The following TMCC1 variants were observed in gnomAD, a reference collection of about 807,000 sequenced individuals.
TMCC1 encodes transmembrane and coiled-coil domain family 1, also known as transmembrane and coiled-coil domains protein 1.
A neutral mutation model predicts 52.4 loss-of-function variants in TMCC1; 15 were observed. The ratio of observed to expected loss-of-function variants is 0.29; its 90% confidence interval spans 0.19 to 0.44. The LOEUF is 0.44. TMCC1 is among the 20% of genes least tolerant of loss of function. The probability of loss-of-function intolerance (pLI) is 1.00; values close to 1 mark genes in which losing one functional copy is unlikely to be tolerated. For synonymous variants in TMCC1, 279 were observed against 301.9 expected, an observed-to-expected ratio of 0.92 and a Z score of 0.79; for missense variants, 503 against 806.0, an observed-to-expected ratio of 0.62 and a Z score of 4.55.
chr3:129,698,393 G>A (rs560477662), intron 4 of TMCC1, among the ~76,000 whole-genome samples: 7 of 152,132 alleles, frequency 4.6e-5, no homozygotes, highest in Non-Finnish European at 5.9e-5. Flanking sequence ...TGGGTCCCAC[G>A]ACACATGGGG....
chr3:129,886,426 AATGT>A (rs2061705001), intron 1 of TMCC1, among the ~76,000 whole-genome samples: 1 of 152,180 alleles, frequency 6.6e-6, no homozygotes, highest in African/African-American at 2.4e-5. Flanking sequence ...GAGAACTGAA[AATGT>A]ATGTTCAAAC....
intron 4 of TMCC1, among the ~76,000 whole-genome samples, chr3:129,676,333 T>C (rs898842139): frequency 2.6e-5 from 4 of 152,248 alleles, no homozygotes. Context: ...TGACTGTTTA[T>C]TATATGCAAG....
chr3:129,796,809 A>C (rs2056859442), intron 4 of TMCC1, among the ~76,000 whole-genome samples: 1 of 152,190 alleles, frequency 6.6e-6, no homozygotes, highest in Non-Finnish European at 1.5e-5. Flanking sequence ...CAGTCTGCGC[A>C]ACAGAGTGAG....
chr3:129,747,424 T>C (rs1374219007), intron 4 of TMCC1, among the ~76,000 whole-genome samples: 2 of 152,220 alleles, frequency 1.3e-5, no homozygotes, highest in African/African-American at 4.8e-5. Context: ...TATACCTTCA[T>C]TTTAAGCTAT....
Position 129,651,611 on chromosome 3 carries a change from A to C in TMCC1, c.1832T>G (p.Val611Gly). 6.2e-7 allele frequency: 1 copy of C among 1,614,252 alleles called. No homozygotes were observed. The highest frequency in any genetic ancestry group is 8.5e-7 in the Non-Finnish European group (1 of 1,180,040). The change falls in exon 7 of 7, where the codon GTG becomes GGG. Residue 611 changes from valine (V) to glycine (G), a missense_variant. By Grantham distance (109) the Val-to-Gly change is moderately radical. Coordinates refer to ENST00000393238, the MANE Select transcript of TMCC1 (RefSeq NM_001017395.5). The surrounding 1 kb of genome is among the most constrained non-coding windows in gnomAD (Gnocchi z 5.1). ...GTTGCGAGTCTTCATGAGGGGGACC[A>C]CACAGTTGGCTACAGTGGAGACAAA... The part of the protein sequence containing the change: ...LVFVSTVANC[V>G]VPLMKTRNRT...
intron 2 of TMCC1, among the ~76,000 whole-genome samples, chr3:129,849,116 A>T (rs2059796536): frequency 6.6e-6 from 1 of 152,212 alleles, no homozygotes; most frequent in South Asian, 2.1e-4. Context: ...CATGATCATA[A>T]ATTTAACAGA....
intron 4 of TMCC1, among the ~76,000 whole-genome samples, chr3:129,801,769 G>A (rs936458405): frequency 6.6e-6 from 1 of 152,136 alleles, no homozygotes; most frequent in African/African-American, 2.4e-5. Flanking sequence ...TTGTTCTCTA[G>A]GGTAGATGCT....
At chr3:129,806,582 T>C (rs916327578) in intron 4 of TMCC1, among the ~76,000 whole-genome samples, 1 of 152,128 alleles carries the variant, frequency 6.6e-6, no homozygotes, top group Non-Finnish European at 1.5e-5. Context: ...CTCTCTCAAA[T>C]AGGAGAAGGA....
intron 3 of TMCC1, among the ~76,000 whole-genome samples, chr3:129,829,678 T>C (rs1399904912): frequency 6.6e-6 from 1 of 152,172 alleles, no homozygotes; most frequent in East Asian, 1.9e-4. Context: ...TACCAAGTAC[T>C]TCAACAATTT....
At chr3:129,876,769 A>G (rs1168270196) in intron 2 of TMCC1, among the ~76,000 whole-genome samples, 2 of 152,190 alleles carry the variant, frequency 1.3e-5, no homozygotes, top group Non-Finnish European at 2.9e-5. Context: ...CCTGGCTAAC[A>G]TGGTGAAACT....
At chr3:129,673,455 GT>G (rs777348730) in intron 4 of TMCC1, among the ~76,000 whole-genome samples, 79 of 152,290 alleles carry the variant, frequency 5.2e-4, no homozygotes, top group South Asian at 1.7e-3. Flanking sequence ...ATATAAGAAT[GT>G]CACTAGATCC....
At chr3:129,684,374 T>C (rs1338243887) in intron 4 of TMCC1, among the ~76,000 whole-genome samples, 2 of 152,232 alleles carry the variant, frequency 1.3e-5, no homozygotes, top group African/African-American at 4.8e-5. Context: ...CATAATTTGT[T>C]TATGCATTTC....
intron 4 of TMCC1, among the ~76,000 whole-genome samples, chr3:129,745,474 C>A (rs2051851107): frequency 6.6e-6 from 1 of 152,208 alleles, no homozygotes; most frequent in Admixed American, 6.5e-5. Flanking sequence ...CTCTTCAGAG[C>A]AAATGCCCTG....
chr3:129,728,006 G>A (rs1478080265), intron 4 of TMCC1, among the ~76,000 whole-genome samples: 1 of 152,238 alleles, frequency 6.6e-6, no homozygotes, highest in African/African-American at 2.4e-5. Flanking sequence ...TAGCATGTGA[G>A]TGAGGCTATT....
chr3:129,786,614 A>G lies in TMCC1; in HGVS notation c.576+41189T>C, dbSNP rs142179859. Among the ~76,000 whole-genome samples the G allele has an allele frequency of 6.4e-3, 979 of 152,236 alleles. 11 individuals are homozygous for G. Among genetic ancestry groups the G allele is most frequent in the Non-Finnish European group, 9.2e-3 (626 of 68,022 alleles). ...GAAGAGCTCCTTCCCTCTTCTAAAT[A>G]TATATTTATTCACCATTAATTTCAC... is the stretch of plus-strand genomic sequence containing the variant. On this transcript the variant is annotated intron_variant, in intron 4 of 6. Transcript: ENST00000393238.
At chr3:129,871,365 C>CAAAAAA (rs908333351) in intron 2 of TMCC1, among the ~76,000 whole-genome samples, 104 of 49,448 alleles carry the variant, frequency 2.1e-3, no homozygotes, top group Non-Finnish European at 2.7e-3. Flanking sequence ...GACGCTGTCT[C>CAAAAAA]AAAAAAAAAA....
intron 5 of TMCC1, among the ~76,000 whole-genome samples, chr3:129,665,132 A>C (rs1310314274): frequency 6.6e-6 from 1 of 152,236 alleles, no homozygotes; most frequent in Non-Finnish European, 1.5e-5. Context: ...CTCATAGCTG[A>C]ATGCACAATG....
intron 4 of TMCC1, among the ~76,000 whole-genome samples, chr3:129,804,743 T>C (rs2057371088): frequency 6.6e-6 from 1 of 152,148 alleles, no homozygotes; most frequent in Non-Finnish European, 1.5e-5. Context: ...TCAGCCTCAG[T>C]AGCATAGAGC....
intron 4 of TMCC1, among the ~76,000 whole-genome samples, chr3:129,795,897 C>A (rs1007599140): frequency 6.6e-6 from 1 of 152,172 alleles, no homozygotes; most frequent in South Asian, 2.1e-4. Flanking sequence ...ATTCAAATAA[C>A]CCTTATTTTA....
Sources: gnomAD v4.1 joint callset for allele counts (sites outside exome capture counted in the v4.1 genomes callset) on GRCh38, gnomAD v4.1.1 for gene constraint, Gnocchi (gnomAD v3.1) non-coding constraint, MANE v1.5 for transcripts, NCBI Gene and HGNC (gene_info 2026-07-23, HGNC 2026-07-21) for gene names.